TRIO: variants seen among roughly 807,000 people sequenced by gnomAD.
The protein encoded by TRIO is trio Rho guanine nucleotide exchange factor.
A neutral mutation model predicts 351.9 loss-of-function variants in TRIO; 58 were observed. That is an observed-to-expected ratio of 0.16 (90% confidence interval 0.13 to 0.21). The LOEUF is 0.21. Ranked by LOEUF, TRIO falls within the 10% of genes least tolerant of loss-of-function variation. TRIO has a pLI of 1.00. For synonymous variants in TRIO, 1,758 were observed against 1,595.7 expected (o/e 1.10, Z -2.42); for missense variants, 3,201 against 4,027.8 (o/e 0.79, Z 5.56).
chr5:14,332,489 G>A (rs757666940), intron 10 of TRIO, among the ~76,000 whole-genome samples: 5 of 152,186 alleles, frequency 3.3e-5, no homozygotes, highest in Non-Finnish European at 5.9e-5. Context: ...TGTGACAGCC[G>A]TTAGAGCATG....
In TRIO at chr5:14,497,072, A is replaced by G; in HGVS notation, c.8019+55A>G. ...TCATCCCAGCATGAGAGAAAGGATC[A>G]GGGAGGGCAGAGACTCTGCAGACCT... On this transcript the variant is annotated intron_variant, in intron 50 of 56. Transcript: ENST00000344204. The surrounding 1 kb of genome is among the most constrained non-coding windows in gnomAD (Gnocchi z 4.4). 1 of 1,600,202 alleles carries G rather than the reference A, an allele frequency of 6.2e-7. No individual in the cohort carries two copies. Among genetic ancestry groups the G allele is most frequent in the Non-Finnish European group, 8.5e-7 (1 of 1,172,364 alleles).
intron 33 of TRIO, among the ~76,000 whole-genome samples, chr5:14,415,565 A>G (rs994213108): frequency 5.3e-5 from 8 of 152,200 alleles, no homozygotes; most frequent in African/African-American, 1.9e-4. Context: ...CAAGACAGTG[A>G]TATGACATGG....
At chr5:14,268,252 A>G (rs559058811) in intron 1 of TRIO, among the ~76,000 whole-genome samples, 8 of 152,222 alleles carry the variant, frequency 5.3e-5, no homozygotes, top group South Asian at 2.1e-4. Flanking sequence ...TCAATATGCT[A>G]TTCCTCCTGT....
chr5:14,256,467 A>G (rs1202008804), intron 1 of TRIO, among the ~76,000 whole-genome samples: 1 of 152,188 alleles, frequency 6.6e-6, no homozygotes, highest in Non-Finnish European at 1.5e-5. Flanking sequence ...GGTGTGTGCA[A>G]TCAGGGAGGG....
At chr5:14,247,884 G>A (rs1794526073) in intron 1 of TRIO, among the ~76,000 whole-genome samples, 1 of 152,056 alleles carries the variant, frequency 6.6e-6, no homozygotes, top group South Asian at 2.1e-4. Flanking sequence ...TGGCCAATAT[G>A]GTGAAACCCC....
chr5:14,206,364 A>G (rs1791455703), intron 1 of TRIO, among the ~76,000 whole-genome samples: 1 of 152,192 alleles, frequency 6.6e-6, no homozygotes, highest in African/African-American at 2.4e-5. Context: ...CCTGGTCTAA[A>G]ATGTACTTTT....
At chr5:14,315,568 A>C (rs1381800377) in intron 8 of TRIO, among the ~76,000 whole-genome samples, 2 of 152,114 alleles carry the variant, frequency 1.3e-5, no homozygotes, top group Non-Finnish European at 1.5e-5. Flanking sequence ...TAGAAACTCA[A>C]AGAGGTTTTT....
intron 9 of TRIO, among the ~76,000 whole-genome samples, chr5:14,320,835 T>TG (rs1739813630): frequency 6.6e-6 from 1 of 152,228 alleles, no homozygotes; most frequent in Non-Finnish European, 1.5e-5. Flanking sequence ...CAGGCTCATC[T>TG]GCAACACTCA....
intron 45 of TRIO, 185 bp from the exon 46 acceptor site, chr5:14,482,397 T>G (rs1755595014): frequency 2.3e-6 from 1 of 430,760 alleles, no homozygotes; most frequent in Non-Finnish European, 3.9e-6. Flanking sequence ...GGCAAGAATT[T>G]TATTTAGATA....
chr5:14,431,638 T>A (rs1245565652), intron 34 of TRIO, among the ~76,000 whole-genome samples: 1 of 152,184 alleles, frequency 6.6e-6, no homozygotes, highest in African/African-American at 2.4e-5. Context: ...TCAAAAACAT[T>A]TAGATCATTT....
At chr5:14,386,619 G>C (rs1021979696) in intron 21 of TRIO, among the ~76,000 whole-genome samples, 3 of 152,190 alleles carry the variant, frequency 2.0e-5, no homozygotes, top group African/African-American at 7.2e-5. Flanking sequence ...AAGCCTAATA[G>C]TAATAACCAT....
intron 34 of TRIO, among the ~76,000 whole-genome samples, chr5:14,446,472 T>C (rs921535992): frequency 6.6e-6 from 1 of 151,926 alleles, no homozygotes; most frequent in African/African-American, 2.4e-5. Context: ...TAAAATGCAG[T>C]GCCATTCAGT....
rs377442700 is a variant in TRIO at position 14,496,914 on chromosome 5, G to A, written c.7916G>A (p.Arg2639Lys). The A allele has an allele frequency of 1.2e-5, 19 of 1,614,046 alleles. No individual in the cohort carries two copies. The highest frequency in any genetic ancestry group is 1.6e-5 in the Non-Finnish European group (19 of 1,180,044). Residue 2639 changes from arginine (R) to lysine (K), a missense_variant, in exon 50 of 57, where the codon AGG (arginine) becomes AAG (lysine). Around this residue, in one of 19 missense-constraint regions of TRIO, gnomAD observed 1,089 missense variants for 954.9 expected, o/e 1.14. Coordinates refer to ENST00000344204, the MANE Select transcript of TRIO (RefSeq NM_007118.4). ...TCTTGGCACACAGCACTCCGTTTAA[G>A]GAAAAAATCTGAGAAAAAAGATAAA... is the stretch of plus-strand genomic sequence containing the variant. The part of the protein sequence containing the change: ...STSWHTALRL[R>K]KKSEKKDKDG...
intron 45 of TRIO, 121 bp from the exon 46 acceptor site, chr5:14,482,460 TA>T (rs1755599967): frequency 2.6e-6 from 2 of 780,530 alleles, no homozygotes; most frequent in Non-Finnish European, 3.6e-6. Context: ...TTAAACTCCA[TA>T]AATTAATAAA....
At chr5:14,222,846 C>T (rs192942788) in intron 1 of TRIO, among the ~76,000 whole-genome samples, 50 of 152,352 alleles carry the variant, frequency 3.3e-4, no homozygotes, top group African/African-American at 1.1e-3. Flanking sequence ...GATGTTAAGG[C>T]GCGGGCTTGG....
intron 31 of TRIO, among the ~76,000 whole-genome samples, chr5:14,403,435 T>TG (rs1748339580): frequency 3.1e-5 from 1 of 32,254 alleles, no homozygotes; most frequent in Non-Finnish European, 5.4e-5. Flanking sequence ...GGGTGTAGGT[T>TG]GTGGTGAGGG....
At chr5:14,320,224 C>T (rs1210248903) in intron 9 of TRIO, among the ~76,000 whole-genome samples, 1 of 152,294 alleles carries the variant, frequency 6.6e-6, no homozygotes, top group South Asian at 2.1e-4. Context: ...CTGCTACACA[C>T]TGTTTTCTAG....
chr5:14,173,327 C>T (rs1789215667), intron 1 of TRIO, among the ~76,000 whole-genome samples: 1 of 151,132 alleles, frequency 6.6e-6, no homozygotes, highest in African/African-American at 2.4e-5. Flanking sequence ...TCTCCTGCCT[C>T]AGCCTCCCGA....
chr5:14,155,199 A>G (rs1443951350), intron 1 of TRIO, among the ~76,000 whole-genome samples: 2 of 152,154 alleles, frequency 1.3e-5, no homozygotes, highest in Admixed American at 6.5e-5. Context: ...CCCCAGTTGT[A>G]AGTATTTCAC....
Sources: gnomAD v4.1 joint callset for allele counts (sites outside exome capture counted in the v4.1 genomes callset) on GRCh38, gnomAD v4.1.1 for gene constraint, gnomAD v4.1.1 regional missense constraint, Gnocchi (gnomAD v3.1) non-coding constraint, MANE v1.5 for transcripts, NCBI Gene and HGNC (gene_info 2026-07-23, HGNC 2026-07-21) for gene names.